The following LNX2 variants were observed in gnomAD, a reference collection of about 807,000 sequenced individuals.
LNX2 encodes the protein ligand of Numb protein X 2.
A neutral mutation model predicts 66.2 loss-of-function variants in LNX2; 35 were observed. The observed-to-expected ratio is 0.53, with a 90% confidence interval of 0.40 to 0.70. The LOEUF (loss-of-function observed/expected upper bound fraction) is 0.70, where lower values mean the gene tolerates loss of function less well. Among genes scored for constraint, LNX2 ranks in the 30% least tolerant of loss-of-function variants. The pLI is 0.00. For missense variants in LNX2, 791 were observed against 850.8 expected (o/e 0.93, Z 0.87); for synonymous variants, 337 against 315.6 (o/e 1.07, Z -0.72).
At chr13:27,573,557 G>A (rs1251642162) in intron 2 of LNX2, among the ~76,000 whole-genome samples, 2 of 152,140 alleles carry the variant, frequency 1.3e-5, no homozygotes, top group East Asian at 3.9e-4. Flanking sequence ...CGTCCACAGA[G>A]GTTCAGCTAT....
In LNX2 at chr13:27,566,114, C is replaced by T. The variant is rs185706700; in HGVS notation, c.855+1526G>A. Among the ~76,000 whole-genome samples, 76 of 152,202 alleles carry T rather than the reference C, an allele frequency of 5.0e-4. 1 individual carries two copies. Among genetic ancestry groups the T allele is most frequent in the South Asian group, 1.7e-3 (8 of 4,816 alleles). On this transcript the variant is annotated intron_variant, in intron 4 of 9. Coordinates refer to ENST00000316334, the MANE Select transcript of LNX2 (RefSeq NM_153371.4). ...AATTACCTTAGATCATGCCTACATACGTAAAATGTTCAAACAATTCTCTGT... is the reference window on the plus strand; with the variant it reads ...AATTACCTTAGATCATGCCTACATATGTAAAATGTTCAAACAATTCTCTGT...
chr13:27,592,249 A>G (rs1464252957), intron 1 of LNX2, among the ~76,000 whole-genome samples: 2 of 152,240 alleles, frequency 1.3e-5, no homozygotes, highest in African/African-American at 2.4e-5. Context: ...ATTGAACATG[A>G]TGAACATAGT....
At chr13:27,590,882 G>A (rs1955539850) in intron 1 of LNX2, among the ~76,000 whole-genome samples, 1 of 152,104 alleles carries the variant, frequency 6.6e-6, no homozygotes, top group Non-Finnish European at 1.5e-5. Flanking sequence ...AGCTTTCAAA[G>A]CTAATCAGTG....
upstream of LNX2, chr13:27,620,732 A>T (rs957834439): frequency 6.6e-6 from 1 of 152,426 alleles, no homozygotes; most frequent in Non-Finnish European, 1.5e-5. Flanking sequence ...CTCCCGGGTT[A>T]GAGTGAGACC....
chr13:27,606,817 T>C (rs1314971586), intron 1 of LNX2, among the ~76,000 whole-genome samples: 1 of 152,092 alleles, frequency 6.6e-6, no homozygotes, highest in Non-Finnish European at 1.5e-5. Flanking sequence ...CAAGGGAGCA[T>C]GCACAAAAAG....
intron 1 of LNX2, among the ~76,000 whole-genome samples, chr13:27,589,278 C>T (rs761859020): frequency 1.3e-5 from 2 of 152,122 alleles, no homozygotes; most frequent in Admixed American, 6.6e-5. Context: ...AAATATTTAC[C>T]GTATCATATG....
intron 1 of LNX2, among the ~76,000 whole-genome samples, chr13:27,612,976 G>GT (rs1955787907): frequency 6.6e-6 from 1 of 152,186 alleles, no homozygotes; most frequent in Non-Finnish European, 1.5e-5. Flanking sequence ...CCTTGGCTCA[G>GT]TGTCAGAGCA....
intron 5 of LNX2, among the ~76,000 whole-genome samples, chr13:27,562,015 G>T (rs1955141470): frequency 6.6e-6 from 1 of 152,118 alleles, no homozygotes; most frequent in African/African-American, 2.4e-5. Flanking sequence ...TATTTATATA[G>T]ATCCTGACAG....
intron 5 of LNX2, 119 bp downstream of exon 5, chr13:27,562,294 C>T (rs1443368898): frequency 1.4e-5 from 18 of 1,285,728 alleles, no homozygotes; most frequent in Non-Finnish European, 1.7e-5. Context: ...TAGCCACACC[C>T]GATTTTCTAA....
At chr13:27,618,961 G>A (rs1269417916) in intron 1 of LNX2, among the ~76,000 whole-genome samples, 1 of 152,208 alleles carries the variant, frequency 6.6e-6, no homozygotes, top group African/African-American at 2.4e-5. Flanking sequence ...TAACTAGTGG[G>A]ATAAAGGCAT....
chr13:27,617,060 T>G (rs1955835594), intron 1 of LNX2, among the ~76,000 whole-genome samples: 1 of 152,216 alleles, frequency 6.6e-6, no homozygotes, highest in Admixed American at 6.5e-5. Flanking sequence ...AAAATTCCTC[T>G]TAATAACTTC....
chr13:27,568,431 C>A (rs1322233117), intron 3 of LNX2, among the ~76,000 whole-genome samples: 1 of 152,154 alleles, frequency 6.6e-6, no homozygotes, highest in Non-Finnish European at 1.5e-5. Context: ...CTGTTAACTT[C>A]CTAGTGGGTA....
chr13:27,562,977 G>C (rs7332765), intron 4 of LNX2, among the ~76,000 whole-genome samples, 196 bp from the exon 5 acceptor site: 1 of 151,954 alleles, frequency 6.6e-6, no homozygotes, highest in Non-Finnish European at 1.5e-5. Context: ...TTAACTTACA[G>C]TGACTAGCAT....
chr13:27,615,998 T>A (rs1018869215), intron 1 of LNX2, among the ~76,000 whole-genome samples: 5 of 152,140 alleles, frequency 3.3e-5, no homozygotes, highest in Non-Finnish European at 5.9e-5. Flanking sequence ...GAGCCAAATC[T>A]GAGTGACCAT....
chr13:27,556,214 A>G, intron 7 of LNX2, 22 bp downstream of exon 7: 1 of 1,600,178 alleles, frequency 6.2e-7, no homozygotes, highest in East Asian at 2.2e-5. Context: ...ATGTGGTAAA[A>G]TTTTTCAAGA....
At chr13:27,570,278 T>C (rs1019724770) in intron 2 of LNX2, among the ~76,000 whole-genome samples, 8 of 152,240 alleles carry the variant, frequency 5.3e-5, no homozygotes, top group African/African-American at 1.7e-4. Flanking sequence ...GGATGGGTGA[T>C]CACAGACCTT....
At chr13:27,610,370 T>C (rs991776829) in intron 1 of LNX2, among the ~76,000 whole-genome samples, 1 of 152,242 alleles carries the variant, frequency 6.6e-6, no homozygotes, top group African/African-American at 2.4e-5. Context: ...ATAAGCGACA[T>C]CAATTCTCCC....
intron 1 of LNX2, among the ~76,000 whole-genome samples, chr13:27,616,674 C>G (rs1182608082): frequency 6.6e-6 from 1 of 152,222 alleles, no homozygotes; most frequent in East Asian, 1.9e-4. Context: ...AAGGATAGAA[C>G]CTACAACACC....
At chr13:27,566,555 T>C (rs763687959) in intron 4 of LNX2, among the ~76,000 whole-genome samples, 1 of 152,268 alleles carries the variant, frequency 6.6e-6, no homozygotes, top group East Asian at 1.9e-4. Flanking sequence ...AGTTGAACCT[T>C]TGCAAGGCAA....
Sources: gnomAD v4.1 joint callset for allele counts (sites outside exome capture counted in the v4.1 genomes callset) on GRCh38, gnomAD v4.1.1 for gene constraint, MANE v1.5 for transcripts, NCBI Gene and HGNC (gene_info 2026-07-23, HGNC 2026-07-21) for gene names.